The following ARNT2 variants were observed in gnomAD, a reference collection of about 807,000 sequenced individuals.
The protein encoded by ARNT2 is ARNT protein 2.
Under a neutral mutation model 91.7 loss-of-function variants are expected in ARNT2, and 36 were observed. The ratio of observed to expected loss-of-function variants is 0.39; its 90% CI spans 0.30 to 0.52. ARNT2 has a LOEUF of 0.52. Among genes scored for constraint, ARNT2 ranks in the 20% least tolerant of loss-of-function variants. ARNT2 has a pLI of 0.72. For synonymous variants in ARNT2, 365 were observed against 347.1 expected (o/e 1.05, Z -0.57); for missense variants, 775 against 939.3 (o/e 0.83, Z 2.29).
Position 80,470,414 on chromosome 15 carries a change from T to G in ARNT2, c.391T>G (p.Ser131Ala). 1 of 1,614,188 alleles carries G rather than the reference T, an allele frequency of 6.2e-7. No individual in the cohort carries two copies. Among genetic ancestry groups the G allele is most frequent in the Non-Finnish European group, 8.5e-7 (1 of 1,180,042 alleles). The change falls in exon 4 of 19, where the codon TCC becomes GCC. Residue 131 changes from serine to alanine, a missense_variant. Ser to Ala is a moderately conservative substitution (Grantham distance 99). This residue lies in a region of ARNT2 where 83 missense variants were observed against 149.4 expected (regional missense o/e 0.56). Coordinates refer to ENST00000303329, the MANE Select transcript of ARNT2 (RefSeq NM_014862.4). ...NKSTDGAYKP[S>A]FLTEQELKHL... is the part of the protein sequence containing the mutation. ...GTCCACCGATGGCGCGTACAAGCCT[T>G]CCTTCCTCACAGAGCAGGTACCCTG...
At chr15:80,567,788 GTC>G (rs1898513778) in intron 12 of ARNT2, among the ~76,000 whole-genome samples, 1 of 152,214 alleles carries the variant, frequency 6.6e-6, no homozygotes. Flanking sequence ...CTCAATCTGT[GTC>G]TCTGAACTGA....
In ARNT2 at chr15:80,412,838, G is replaced by A. The variant is rs140651759; in HGVS notation, c.31+8292G>A. Among the ~76,000 whole-genome samples, 294 of 152,288 alleles carry A rather than the reference G, an allele frequency of 1.9e-3. 3 individuals are homozygous for A. Among genetic ancestry groups the A allele is most frequent in the African/African-American group, 6.7e-3 (279 of 41,564 alleles). On this transcript the variant is annotated intron_variant, in intron 1 of 18. Transcript: ENST00000303329. ...TGGATTTATATACTTTTATACTGCT[G>A]TCCACAAAGGTTAGAACAGAGGCTC...
chr15:80,543,976 A>G (rs950342693), intron 8 of ARNT2, among the ~76,000 whole-genome samples: 28 of 152,184 alleles, frequency 1.8e-4, no homozygotes, highest in African/African-American at 5.5e-4. Context: ...CCTGACCTCA[A>G]GTGATCTGCC....
intron 8 of ARNT2, among the ~76,000 whole-genome samples, chr15:80,545,501 A>C (rs1055495288): frequency 6.6e-6 from 1 of 152,230 alleles, no homozygotes; most frequent in Non-Finnish European, 1.5e-5. Flanking sequence ...TGGTGTGGCC[A>C]ACTTCTAGGA....
intron 1 of ARNT2, among the ~76,000 whole-genome samples, chr15:80,447,841 C>T (rs978580926): frequency 6.6e-6 from 1 of 152,188 alleles, no homozygotes; most frequent in Non-Finnish European, 1.5e-5. Context: ...ATTGCATTTT[C>T]TGTTTGGCTT....
chr15:80,506,087 C>T (rs1897272148), intron 5 of ARNT2, among the ~76,000 whole-genome samples: 1 of 151,986 alleles, frequency 6.6e-6, no homozygotes, highest in Non-Finnish European at 1.5e-5. Context: ...CAGGTGCCCG[C>T]CACCGCGCCT....
intron 17 of ARNT2, among the ~76,000 whole-genome samples, chr15:80,586,722 C>T (rs1450692082): frequency 7.3e-5 from 11 of 151,478 alleles, no homozygotes; most frequent in African/African-American, 2.2e-4. Flanking sequence ...AAAAATTAGC[C>T]GGGCATGGTG....
At chr15:80,468,653 G>A (rs954978176) in intron 3 of ARNT2, among the ~76,000 whole-genome samples, 7 of 151,630 alleles carry the variant, frequency 4.6e-5, no homozygotes, top group Non-Finnish European at 1.0e-4. Flanking sequence ...TCGCTATATC[G>A]TTCTCCATTG....
intron 4 of ARNT2, among the ~76,000 whole-genome samples, chr15:80,470,861 T>C (rs754415585): frequency 2.6e-5 from 4 of 152,156 alleles, no homozygotes; most frequent in Non-Finnish European, 4.4e-5. Context: ...TGGCTATTAC[T>C]AAAAAGTCAA....
At chr15:80,408,716 A>G (rs1226739664) in intron 1 of ARNT2, among the ~76,000 whole-genome samples, 1 of 152,204 alleles carries the variant, frequency 6.6e-6, no homozygotes, top group Non-Finnish European at 1.5e-5. Flanking sequence ...CCTTCATTGA[A>G]TCTACGAGCC....
At chr15:80,570,807 T>C (rs534364739) in intron 12 of ARNT2, among the ~76,000 whole-genome samples, 1 of 152,350 alleles carries the variant, frequency 6.6e-6, no homozygotes, top group East Asian at 1.9e-4. Flanking sequence ...GGCAGGGATC[T>C]TGTGGGTTCT....
At chr15:80,576,017 A>G (rs1898667471) in intron 14 of ARNT2, among the ~76,000 whole-genome samples, 1 of 152,184 alleles carries the variant, frequency 6.6e-6, no homozygotes, top group South Asian at 2.1e-4. Flanking sequence ...TAACTCACTG[A>G]ATTGCCACTA....
At position 80,593,857 on chromosome 15, in the gene ARNT2, C is replaced by G. The variant is rs1424288183; in HGVS notation, c.*159C>G. 1 of 641,436 alleles carries G rather than the reference C, an allele frequency of 1.6e-6. No homozygotes were observed. 39.7% of individuals were successfully genotyped at this position (641,436 alleles called of 1,614,324 possible). ...TGTCCCCAGGCGCATCATTGCTCCA[C>G]TCTCCCCTGCAGCCGCGGCTGCTCG... On this transcript the variant is annotated 3_prime_UTR_variant, in exon 19 of 19. Transcript: ENST00000303329.
chr15:80,501,473 C>T lies in ARNT2; in HGVS notation c.623-6683C>T, dbSNP rs546011152. 3.9e-5 allele frequency among the ~76,000 whole-genome samples: 6 copies of T among 152,262 alleles called. No individual in the cohort carries two copies. In the South Asian group the frequency reaches 1.0e-3, roughly 26 times the overall value. ...ATCTGGGATTTTCACTTAAAGTGTT[C>T]GTGTGCGTGACTTTTCTAAAACGAC... is the stretch of plus-strand genomic sequence containing the variant. On this transcript the variant is annotated intron_variant, in intron 5 of 18. Transcript: ENST00000303329.
intron 8 of ARNT2, among the ~76,000 whole-genome samples, chr15:80,542,662 G>A (rs1355570945): frequency 6.6e-6 from 1 of 152,160 alleles, no homozygotes; most frequent in East Asian, 1.9e-4. Context: ...CTTCATTGAT[G>A]CTCATTGAAT....
intron 1 of ARNT2, among the ~76,000 whole-genome samples, chr15:80,407,653 T>C (rs888223465): frequency 2.6e-5 from 4 of 152,186 alleles, no homozygotes; most frequent in Non-Finnish European, 5.9e-5. Flanking sequence ...TGGCCAGGAA[T>C]GACATATATC....
intron 8 of ARNT2, among the ~76,000 whole-genome samples, chr15:80,530,656 G>A (rs903689608): frequency 3.3e-5 from 5 of 152,160 alleles, no homozygotes; most frequent in African/African-American, 4.8e-5. Context: ...GGGGAGGGAC[G>A]GGTAGTTACT....
Position 80,563,085 on chromosome 15 carries a change from C to T in ARNT2, c.1165-3C>T. The T allele has an allele frequency of 6.2e-7, 1 of 1,614,198 alleles. No homozygotes were observed. Among genetic ancestry groups the T allele is most frequent in the Non-Finnish European group, 8.5e-7 (1 of 1,180,040 alleles). ...TGACTTCCTTCTCCAAATGTTTTCT[C>T]AGGTGGTTAAGCTGAAAGGCCAAGT... On this transcript the variant is annotated splice_polypyrimidine_tract_variant and splice_region_variant and intron_variant, in intron 11 of 18. Transcript: ENST00000303329.
chr15:80,535,079 A>C (rs1897798677), intron 8 of ARNT2, among the ~76,000 whole-genome samples: 1 of 152,204 alleles, frequency 6.6e-6, no homozygotes, highest in African/African-American at 2.4e-5. Context: ...TCAGGGCAGG[A>C]GGAAGAGGAG....
Sources: gnomAD v4.1 joint callset for allele counts (sites outside exome capture counted in the v4.1 genomes callset) on GRCh38, gnomAD v4.1.1 for gene constraint, gnomAD v4.1.1 regional missense constraint, MANE v1.5 for transcripts, NCBI Gene and HGNC (gene_info 2026-07-23, HGNC 2026-07-21) for gene names.